The following MRE11 variants were observed in gnomAD, a reference collection of about 807,000 sequenced individuals.
MRE11 encodes the protein double-strand break repair protein MRE11.
MRE11 carries 62 observed loss-of-function variants against 91.7 expected under a neutral mutation model. The observed-to-expected ratio is 0.68, with a 90% confidence interval of 0.55 to 0.84. MRE11 has a LOEUF of 0.84. MRE11 is among the 40% of genes least tolerant of loss of function. The probability of loss-of-function intolerance (pLI) is 0.00; values close to 1 mark genes in which losing one functional copy is unlikely to be tolerated. For missense variants in MRE11, 796 were observed against 852.9 expected (o/e 0.93, Z 0.83); for synonymous variants, 273 against 271.4 (o/e 1.01, Z -0.06).
At chr11:94,434,927 T>C (rs1945562923) in intron 18 of MRE11, among the ~76,000 whole-genome samples, 1 of 152,168 alleles carries the variant, frequency 6.6e-6, no homozygotes, top group African/African-American at 2.4e-5. Flanking sequence ...AAGTACAAAA[T>C]AAGGCAGTTG....
At chr11:94,466,497 C>A in intron 10 of MRE11, 1 of 532,310 alleles carries the variant, frequency 1.9e-6, no homozygotes. Flanking sequence ...ATCTACGAAG[C>A]ATTTGGTTGG....
chr11:94,457,856 TTCTC>T (rs1721642474), intron 13 of MRE11, among the ~76,000 whole-genome samples: 1 of 127,214 alleles, frequency 7.9e-6, no homozygotes, highest in Non-Finnish European at 1.6e-5. Context: ...CACACACTCT[TTCTC>T]TTTCTCTCTC....
At chr11:94,466,676 T>G in intron 10 of MRE11, 1 of 264,722 alleles carries the variant, frequency 3.8e-6, no homozygotes, top group Non-Finnish European at 8.1e-6. Context: ...ACTGTACTCT[T>G]TACCTCCACA....
intron 16 of MRE11, among the ~76,000 whole-genome samples, chr11:94,439,084 T>C (rs1264155802): frequency 6.6e-6 from 1 of 152,218 alleles, no homozygotes; most frequent in Non-Finnish European, 1.5e-5. Context: ...GTAATTTTTA[T>C]CTTTTCCAAT....
chr11:94,434,794 G>A (rs913625133), intron 18 of MRE11, among the ~76,000 whole-genome samples: 4 of 152,082 alleles, frequency 2.6e-5, no homozygotes, highest in Admixed American at 2.6e-4. Flanking sequence ...ATTCTTTGAT[G>A]AATTCAAATA....
At chr11:94,510,167 T>G in the MRE11 span, among the ~76,000 whole-genome samples, 3 of 152,324 alleles carry the variant, frequency 2.0e-5, no homozygotes, top group Middle Eastern at 3.4e-3. Context: ...ATATTTTTAG[T>G]AGTTATATTT....
At chr11:94,445,695 T>G in intron 16 of MRE11, 115 bp downstream of exon 16, 1 of 802,336 alleles carries the variant, frequency 1.2e-6, no homozygotes, top group Non-Finnish European at 2.2e-6. Flanking sequence ...CCTGTGATCC[T>G]AATTGCCCTT....
chr11:94,434,227 G>A (rs1945538132), intron 18 of MRE11, among the ~76,000 whole-genome samples: 2 of 152,154 alleles, frequency 1.3e-5, no homozygotes, highest in South Asian at 2.1e-4. Flanking sequence ...GATGTTTGAA[G>A]GATCTAATAA....
the MRE11 span, among the ~76,000 whole-genome samples, chr11:94,500,265 A>T: frequency 1.3e-5 from 2 of 152,244 alleles, no homozygotes; most frequent in Admixed American, 1.3e-4. Context: ...GAGCCAAAGA[A>T]GTCTTGTTTC....
chr11:94,485,584 A>C (rs1947119959), intron 4 of MRE11, among the ~76,000 whole-genome samples: 1 of 151,974 alleles, frequency 6.6e-6, no homozygotes, highest in Non-Finnish European at 1.5e-5. Flanking sequence ...TATAAACCTG[A>C]GAAGATATTC....
rs974123121 is a variant in MRE11, at chr11:94,482,844, A to G, written c.314+3080T>C. On this transcript the variant is annotated intron_variant, in intron 4 of 19. Transcript: ENST00000323929. Reference sequence around the variant, plus strand: ...TCCCAGCTACTCAGGAGGCTGAGGCAGAAGAACTGCTTGAACCTGGGAGGT... The same window carrying G: ...TCCCAGCTACTCAGGAGGCTGAGGCGGAAGAACTGCTTGAACCTGGGAGGT... 3.3e-5 allele frequency among the ~76,000 whole-genome samples: 5 copies of G among 152,282 alleles called. No homozygotes were observed. In the East Asian group the frequency reaches 9.7e-4, roughly 29 times the overall value.
At chr11:94,501,446 CAG>C in the MRE11 span, among the ~76,000 whole-genome samples, 1 of 152,194 alleles carries the variant, frequency 6.6e-6, no homozygotes, top group South Asian at 2.1e-4. Flanking sequence ...ATATTAAAAA[CAG>C]GTGAAATTAA....
At chr11:94,439,760 A>G (rs1945723751) in intron 16 of MRE11, among the ~76,000 whole-genome samples, 1 of 152,218 alleles carries the variant, frequency 6.6e-6, no homozygotes, top group Non-Finnish European at 1.5e-5. Flanking sequence ...GTCCCATCCT[A>G]CAGATGAGAA....
Position 94,484,324 on chromosome 11 carries a change from G to A in MRE11, c.314+1600C>T, listed in dbSNP as rs115676741. Among the ~76,000 whole-genome samples, 1,148 of 152,196 alleles carry A rather than the reference G, an allele frequency of 7.5e-3. 11 individuals are homozygous for A. Among genetic ancestry groups the A allele is most frequent in the African/African-American group, 0.025 (1,050 of 41,536 alleles). On this transcript the variant is annotated intron_variant, in intron 4 of 19. Coordinates refer to ENST00000323929, the MANE Select transcript of MRE11 (RefSeq NM_005591.4). Reference sequence around the variant, plus strand: ...TACATGTAGAAAGAATATAGGAAATGGAAAATCACAATTAGAATATCACAG... The same window carrying A: ...TACATGTAGAAAGAATATAGGAAATAGAAAATCACAATTAGAATATCACAG...
At chr11:94,464,922 TA>T (rs1946520841) in intron 10 of MRE11, among the ~76,000 whole-genome samples, 1 of 152,194 alleles carries the variant, frequency 6.6e-6, no homozygotes, top group African/African-American at 2.4e-5. Flanking sequence ...CCTCACAGCT[TA>T]TCCAGAATGC....
Position 94,443,923 on chromosome 11 carries a change from T to G in MRE11, c.1867+1887A>C, listed in dbSNP as rs1010778168. The stretch of plus-strand genomic sequence containing the variant: ...ATCCTAAGTTCCTTCAACCAATTTT[T>G]TTTTTTTTTTTTTTTTGGAGACGCT... On this transcript the variant is annotated intron_variant, in intron 16 of 19. Coordinates refer to ENST00000323929, the MANE Select transcript of MRE11 (RefSeq NM_005591.4). 5.0e-3 allele frequency among the ~76,000 whole-genome samples: 756 copies of G among 149,754 alleles called. 11 individuals are homozygous for G. Among genetic ancestry groups the G allele is most frequent in the African/African-American group, 0.012 (481 of 40,712 alleles).
chr11:94,456,179 C>G, intron 14 of MRE11, 97 bp downstream of exon 14: 1 of 1,160,824 alleles, frequency 8.6e-7, no homozygotes, highest in Non-Finnish European at 1.3e-6. Context: ...ACTCCTATCC[C>G]CTAGACCTAT....
chr11:94,502,466 T>A, the MRE11 span, among the ~76,000 whole-genome samples: 1 of 152,214 alleles, frequency 6.6e-6, no homozygotes. Flanking sequence ...TCTTTAATAT[T>A]ATTTTTATGT....
At chr11:94,441,086 C>G (rs144338064) in intron 16 of MRE11, among the ~76,000 whole-genome samples, 6 of 152,162 alleles carry the variant, frequency 3.9e-5, no homozygotes, top group Admixed American at 1.3e-4. Context: ...GCAAACCCCC[C>G]ACTTGCTCGC....
Sources: allele counts gnomAD v4.1 joint callset (sites outside exome capture counted in the v4.1 genomes callset), GRCh38; gene constraint gnomAD v4.1.1; transcripts MANE v1.5; gene names NCBI Gene and HGNC (gene_info 2026-07-23, HGNC 2026-07-21).